Variants in PTPRF observed in about 807,000 individuals in gnomAD.
PTPRF encodes the protein receptor-type tyrosine-protein phosphatase F.
Under a neutral mutation model 201.8 loss-of-function variants are expected in PTPRF, and 59 were observed. The observed-to-expected ratio is 0.29, with a 90% CI of 0.24 to 0.36. PTPRF has a LOEUF of 0.36. Among genes scored for constraint, PTPRF ranks in the 10% least tolerant of loss-of-function variants. PTPRF has a pLI of 1.00. For missense variants in PTPRF, 2,132 were observed against 2,690.5 expected (o/e 0.79, Z 4.59); for synonymous variants, 1,088 against 1,089.7 (o/e 1.00, Z 0.03).
At position 43,623,313 on chromosome 1, in the gene PTPRF, C is replaced by T. The variant is rs993984319; in HGVS notation, c.*1310C>T. 2.0e-5 allele frequency: 3 copies of T among 152,652 alleles called. No individual in the cohort carries two copies. Among genetic ancestry groups the T allele is most frequent in the African/African-American group, 7.2e-5 (3 of 41,450 alleles). 9.5% of individuals were successfully genotyped at this position (152,652 alleles called of 1,614,324 possible). ...CCAATGTGGCAAGACTACTGGACTT[C>T]TATCAATGGTACTCTAATCAGTCCT... On this transcript the variant is annotated 3_prime_UTR_variant, in exon 34 of 34. Transcript: ENST00000359947.
rs762098898 is a variant in PTPRF, at chr1:43,603,406, C to T, written c.2341-10C>T. The T allele has an allele frequency of 4.3e-6, 7 of 1,611,848 alleles. No homozygotes were observed. The South Asian group carries it at 6.6e-5, about 15-fold the overall frequency. ...CTTGTGATGGGAACGAACCCCTCCTCCTCCCTCAGGAAACCACTATCAGCG... is the reference window on the plus strand; with the variant it reads ...CTTGTGATGGGAACGAACCCCTCCTTCTCCCTCAGGAAACCACTATCAGCG... On this transcript the variant is annotated splice_polypyrimidine_tract_variant and intron_variant, in intron 14 of 33. Transcript: ENST00000359947. This position sits in a 1 kb window ranked among gnomAD's most constrained non-coding sequence, Gnocchi z 5.8.
intron 3 of PTPRF, among the ~76,000 whole-genome samples, chr1:43,551,591 C>G (rs1645041387): frequency 6.6e-6 from 1 of 152,178 alleles, no homozygotes; most frequent in Admixed American, 6.5e-5. Context: ...CGTAGGTGAG[C>G]TTAGGAGTGA....
intron 1 of PTPRF, among the ~76,000 whole-genome samples, chr1:43,534,289 C>T (rs902187169): frequency 6.6e-6 from 1 of 152,132 alleles, no homozygotes; most frequent in African/African-American, 2.4e-5. Context: ...AGGTTTAAAG[C>T]TTGGATAGGG....
chr1:43,559,278 G>C (rs1034072391), intron 5 of PTPRF, among the ~76,000 whole-genome samples: 3 of 152,210 alleles, frequency 2.0e-5, no homozygotes, highest in African/African-American at 7.2e-5. Context: ...GGAAGGGGCA[G>C]TGTGTGCAGG....
intron 13 of PTPRF, among the ~76,000 whole-genome samples, chr1:43,601,016 A>G (rs761862941): frequency 6.6e-6 from 1 of 152,202 alleles, no homozygotes; most frequent in African/African-American, 2.4e-5. Flanking sequence ...GCCACACCCT[A>G]TAAAGTGGCC....
At chr1:43,549,278 T>C (rs2842187) in intron 3 of PTPRF, among the ~76,000 whole-genome samples, 110,718 of 152,148 alleles carry the variant, frequency 0.73, 41,260 homozygotes, top group African/African-American at 0.88. Flanking sequence ...GCAGAGTAGT[T>C]CAAGTAGCTT....
chr1:43,591,273 G>A lies in PTPRF; in HGVS notation c.1251G>A (p.Pro417=), dbSNP rs1435663737. ...RTGEQAPSSP[P]RRVQARMLSA... ...GAGAACAGGCGCCCTCCAGCCCACCGCGCCGCGTGCAGGCACGCATGCTGA... is the reference window on the plus strand; with the variant it reads ...GAGAACAGGCGCCCTCCAGCCCACCACGCCGCGTGCAGGCACGCATGCTGA... Residue 417 remains proline (P), a synonymous_variant, in exon 9 of 34, where the codon CCG becomes CCA. Coordinates refer to ENST00000359947, the MANE Select transcript of PTPRF (RefSeq NM_002840.5). 1.3e-5 allele frequency: 21 copies of A among 1,559,252 alleles called. No homozygotes were observed. Among genetic ancestry groups the A allele is most frequent in the Non-Finnish European group, 1.6e-5 (18 of 1,154,168 alleles).
At chr1:43,577,743 G>A (rs1275948980) in intron 6 of PTPRF, among the ~76,000 whole-genome samples, 1 of 152,208 alleles carries the variant, frequency 6.6e-6, no homozygotes, top group African/African-American at 2.4e-5. Context: ...TAGGCTGGCT[G>A]TTCTGTGCAG....
Position 43,546,488 on chromosome 1 carries a change from C to A in PTPRF, c.91+1322C>A, listed in dbSNP as rs934367447. On this transcript the variant is annotated intron_variant, in intron 3 of 33. Coordinates refer to ENST00000359947, the MANE Select transcript of PTPRF (RefSeq NM_002840.5). This position sits in a 1 kb window ranked among gnomAD's most constrained non-coding sequence, Gnocchi z 4.2. The stretch of plus-strand genomic sequence containing the variant: ...AGTAGAAAGCCTTATCAGGTGTGAC[C>A]CACATGGTTGGCAGGAAGGTGAAGG... Among the ~76,000 whole-genome samples, 3 of 152,104 alleles carry A rather than the reference C, an allele frequency of 2.0e-5. No homozygotes were observed. Among genetic ancestry groups the A allele is most frequent in the Non-Finnish European group, 2.9e-5 (2 of 68,020 alleles).
Position 43,622,253 on chromosome 1 carries a change from C to T in PTPRF, c.*250C>T. The T allele has an allele frequency of 7.6e-6, 4 of 524,292 alleles. No homozygotes were observed. The highest frequency in any genetic ancestry group is 1.4e-5 in the Non-Finnish European group (4 of 293,428). The allele number at this position is 524,292 out of a possible 1,614,324, so 32.5% of individuals were successfully genotyped here. A position where few individuals can be genotyped will look rare whatever the true frequency, so the allele number is the denominator to read the frequency against. On this transcript the variant is annotated 3_prime_UTR_variant, in exon 34 of 34. Transcript: ENST00000359947. The stretch of plus-strand genomic sequence containing the variant: ...CTGTCCACCAGACCCACCTGGAGCC[C>T]GCTTCAAGCTCTCTGTTGCGCTCCC...
chr1:43,577,882 A>G (rs61769613), intron 6 of PTPRF, among the ~76,000 whole-genome samples: 18,310 of 152,216 alleles, frequency 0.12, 1,503 homozygotes, highest in Non-Finnish European at 0.18. Flanking sequence ...TGTCTGTCAC[A>G]GACAGCTTGC....
At chr1:43,541,889 C>T (rs531544490) in intron 2 of PTPRF, among the ~76,000 whole-genome samples, 14 of 152,238 alleles carry the variant, frequency 9.2e-5, no homozygotes, top group African/African-American at 2.2e-4. Flanking sequence ...AATTCAGAGA[C>T]GAGCTTGAGT....
rs1292169218 is a variant in PTPRF at position 43,620,979 on chromosome 1, A to T, written c.5506A>T (p.Thr1836Ser). The T allele has an allele frequency of 1.7e-5, 27 of 1,613,516 alleles. No homozygotes were observed. Among genetic ancestry groups the T allele is most frequent in the Non-Finnish European group, 2.1e-5 (25 of 1,179,712 alleles). ...GCAGTTTGGACAGGATGGGCCTATC[A>T]CGGTGCACTGCAGGTGGGACTGGCC... Reference protein sequence around the residue: ...KEQFGQDGPITVHCSAGVGRT... With the variant: ...KEQFGQDGPISVHCSAGVGRT... The change falls in exon 32 of 34, where the codon ACG becomes TCG. Residue 1836 changes from threonine (T) to serine (S), a missense_variant. Thr to Ser is a moderately conservative substitution (Grantham distance 58). Transcript: ENST00000359947.
intron 13 of PTPRF, among the ~76,000 whole-genome samples, chr1:43,601,161 C>G (rs138171260): frequency 6.6e-6 from 1 of 152,188 alleles, no homozygotes; most frequent in African/African-American, 2.4e-5. Flanking sequence ...GAGGCCAGAC[C>G]GGCACTGTGG....
At chr1:43,580,296 G>A (rs895720021) in intron 7 of PTPRF, among the ~76,000 whole-genome samples, 1 of 152,206 alleles carries the variant, frequency 6.6e-6, no homozygotes, top group Non-Finnish European at 1.5e-5. Flanking sequence ...GGCTGTCAAG[G>A]CTGTCAACCA....
At chr1:43,565,677 T>G (rs1646115288) in intron 5 of PTPRF, among the ~76,000 whole-genome samples, 1 of 152,146 alleles carries the variant, frequency 6.6e-6, no homozygotes, top group Non-Finnish European at 1.5e-5. Context: ...CCCCGCACTG[T>G]GCAGGGCACC....
rs751761692 is a variant in PTPRF at position 43,603,966 on chromosome 1, G to A, written c.2814G>A (p.Pro938=). 1.8e-5 allele frequency: 29 copies of A among 1,614,058 alleles called. No homozygotes were observed. Among genetic ancestry groups the A allele is most frequent in the Middle Eastern group, 1.6e-4 (1 of 6,084 alleles). ...CTACCACAGAACTGGCCTGGGACCC[G>A]CCAGTGCTGGCGGAGAGGAACGGGC... is the stretch of plus-strand genomic sequence containing the variant. ...TTSTTELAWD[P]PVLAERNGRI... is the part of the protein sequence containing the mutation. Residue 938 remains proline (P), a synonymous_variant, in exon 16 of 34, where the codon CCG becomes CCA. Coordinates refer to ENST00000359947, the MANE Select transcript of PTPRF (RefSeq NM_002840.5). The surrounding 1 kb of genome is among the most constrained non-coding windows in gnomAD (Gnocchi z 5.8).
intron 5 of PTPRF, among the ~76,000 whole-genome samples, chr1:43,560,414 A>G (rs959556431): frequency 1.4e-5 from 2 of 143,630 alleles, no homozygotes; most frequent in East Asian, 4.2e-4. Flanking sequence ...ATGTGTGTGG[A>G]GTGCACAGCA....
chr1:43,592,580 G>C lies in PTPRF; in HGVS notation c.1792G>C (p.Glu598Gln). The change falls in exon 11 of 34, where the codon GAG becomes CAG. Residue 598 changes from glutamate to glutamine, a missense_variant. Glu to Gln is a conservative substitution (Grantham distance 29, BLOSUM62 2). Around this residue, in one of 6 missense-constraint regions of PTPRF, gnomAD observed 351 missense variants for 401.7 expected, o/e 0.87. Transcript: ENST00000359947. ...GGTGGGCGTCTTCACCCCCACCATT[G>C]AGGCCCGCACAGCCCAGTCCAGTAA... ...MGVGVFTPTI[E>Q]ARTAQSTPSA... The C allele has an allele frequency of 6.2e-7, 1 of 1,608,136 alleles. No homozygotes were observed. The highest frequency in any genetic ancestry group is 8.5e-7 in the Non-Finnish European group (1 of 1,177,796).
Sources: gnomAD v4.1 joint callset for allele counts (sites outside exome capture counted in the v4.1 genomes callset) on GRCh38, gnomAD v4.1.1 for gene constraint, gnomAD v4.1.1 regional missense constraint, Gnocchi (gnomAD v3.1) non-coding constraint, MANE v1.5 for transcripts, NCBI Gene and HGNC (gene_info 2026-07-23, HGNC 2026-07-21) for gene names.